The following DAB1 variants were observed in gnomAD, a reference collection of about 807,000 sequenced individuals.
DAB1 encodes the protein DAB adaptor protein 1.
DAB1 carries 15 observed loss-of-function variants against 64.6 expected under a neutral mutation model. That is an observed-to-expected ratio of 0.23 (90% CI 0.16 to 0.36). The LOEUF is 0.36. Among genes scored for constraint, DAB1 ranks in the 10% least tolerant of loss-of-function variants. The pLI is 1.00. For synonymous variants in DAB1, 235 were observed against 251.9 expected, an observed-to-expected ratio of 0.93 and a Z score of 0.64; for missense variants, 596 against 706.7, an observed-to-expected ratio of 0.84 and a Z score of 1.78.
chr1:57,003,224 A>C (rs1330683400), intron 14 of DAB1, among the ~76,000 whole-genome samples: 1 of 152,240 alleles, frequency 6.6e-6, no homozygotes, highest in Admixed American at 6.5e-5. Flanking sequence ...AGACTACTCC[A>C]CATGTCCTTT....
At chr1:57,034,550 G>T (rs911249794) in intron 9 of DAB1, among the ~76,000 whole-genome samples, 2 of 152,196 alleles carry the variant, frequency 1.3e-5, no homozygotes, top group Non-Finnish European at 2.9e-5. Flanking sequence ...ATGCACATTC[G>T]AGAAGTAGCT....
intron 3 of DAB1, among the ~76,000 whole-genome samples, chr1:58,392,947 T>C (rs1404879114): frequency 3.3e-5 from 5 of 152,156 alleles, no homozygotes; most frequent in African/African-American, 1.2e-4. Flanking sequence ...TTAACTTCCA[T>C]CATGCCCTCT....
At chr1:57,521,931 G>A (rs542778814) in intron 7 of DAB1, among the ~76,000 whole-genome samples, 17 of 152,170 alleles carry the variant, frequency 1.1e-4, no homozygotes, top group South Asian at 1.0e-3. Flanking sequence ...CCAACATGGC[G>A]AAACCCCGTC....
intron 5 of DAB1, among the ~76,000 whole-genome samples, chr1:58,125,447 T>C (rs1174566686): frequency 1.3e-5 from 2 of 151,804 alleles, no homozygotes; most frequent in Non-Finnish European, 1.5e-5. Context: ...GATACTTTTT[T>C]TTTTTTTTTT....
At chr1:57,890,932 G>C (rs564255802) in intron 5 of DAB1, among the ~76,000 whole-genome samples, 124 of 152,226 alleles carry the variant, frequency 8.1e-4, no homozygotes, top group Non-Finnish European at 1.3e-3. Context: ...ATATTAATCT[G>C]TGGCTTAAAT....
intron 1 of DAB1, among the ~76,000 whole-genome samples, chr1:57,333,892 T>G (rs974635702): frequency 1.3e-5 from 2 of 152,158 alleles, no homozygotes; most frequent in Non-Finnish European, 2.9e-5. Flanking sequence ...CAAACTAGAA[T>G]CCATCACTGT....
At position 58,065,438 on chromosome 1, in the gene DAB1, G is replaced by A. The variant is rs555845603; in HGVS notation, n.387+85073C>T. ...ATACAAGTATACCTTAATAAAACTG[G>A]ATTTTTTAAAAAAGAGTCTAAAATA... On this transcript the variant is annotated intron_variant and non_coding_transcript_variant, in intron 5 of 20. Transcript: ENST00000485760. Among the ~76,000 whole-genome samples the A allele has an allele frequency of 7.2e-5, 11 of 152,172 alleles. No homozygotes were observed. In the Middle Eastern group the frequency reaches 0.01, roughly 141 times the overall value.
At chr1:57,907,965 C>G (rs1253739207) in intron 5 of DAB1, among the ~76,000 whole-genome samples, 1 of 149,118 alleles carries the variant, frequency 6.7e-6, no homozygotes, top group Non-Finnish European at 1.5e-5. Flanking sequence ...CACATGGAAA[C>G]CAAATTACCC....
intron 5 of DAB1, among the ~76,000 whole-genome samples, chr1:57,942,516 A>G (rs1047928108): frequency 1.3e-5 from 2 of 152,156 alleles, no homozygotes. Context: ...CTCTTCTTGT[A>G]TCTATGAATC....
chr1:57,007,567 G>A (rs1375666236), intron 14 of DAB1, among the ~76,000 whole-genome samples: 3 of 152,212 alleles, frequency 2.0e-5, no homozygotes, highest in Non-Finnish European at 4.4e-5. Context: ...AAACAGCACT[G>A]CTGTTTGAGA....
chr1:58,056,032 C>A (rs966649594), intron 5 of DAB1: 1 of 832,996 alleles, frequency 1.2e-6, no homozygotes, highest in Non-Finnish European at 2.0e-6. Flanking sequence ...GCCACCGTGC[C>A]TGGCCTCATG....
intron 2 of DAB1, among the ~76,000 whole-genome samples, chr1:58,513,632 T>A (rs1284818242): frequency 6.6e-6 from 1 of 152,168 alleles, no homozygotes; most frequent in Non-Finnish European, 1.5e-5. Flanking sequence ...ACTAAGATAA[T>A]GGAGAGACTA....
chr1:58,332,184 T>C (rs139134658), intron 4 of DAB1, among the ~76,000 whole-genome samples: 28 of 152,294 alleles, frequency 1.8e-4, no homozygotes, highest in African/African-American at 6.7e-4. Context: ...TGCCTGATTC[T>C]CCCAGAAGTG....
At position 57,544,650 on chromosome 1, in the gene DAB1, T is replaced by A. The variant is rs142453744; in HGVS notation, n.625+104942A>T. Among the ~76,000 whole-genome samples the A allele has an allele frequency of 1.6e-4, 24 of 152,270 alleles. No homozygotes were observed. In the East Asian group the frequency reaches 4.5e-3, roughly 28 times the overall value. On this transcript the variant is annotated intron_variant and non_coding_transcript_variant, in intron 7 of 20. Coordinates refer to the DAB1 transcript ENST00000485760. ...ACCAAATCTCATCTTGAATTGTAGT[T>A]CCCATAATCCCCATGTGTCATGGGA...
At position 57,431,143 on chromosome 1, in the gene DAB1, C is replaced by CACAAA. The variant is rs749097562; in HGVS notation, n.626-139978_626-139977insTTTGT. ...AAGAAAAAGTATTTCAGGCCAAAAA[C>CACAAA]AAAAAAAAAAAAAAGAAAAACAAAA... On this transcript the variant is annotated intron_variant and non_coding_transcript_variant, in intron 7 of 20. Transcript: ENST00000485760. Among the ~76,000 whole-genome samples, 527 of 96,402 alleles carry CACAAA rather than the reference C, an allele frequency of 5.5e-3. 11 individuals are homozygous for CACAAA. Among genetic ancestry groups the CACAAA allele is most frequent in the African/African-American group, 0.018 (484 of 27,160 alleles). The allele number at this position is 96,402 out of a possible 152,430, so 63.2% of individuals were successfully genotyped here. A position where few individuals can be genotyped will look rare whatever the true frequency, so the allele number is the denominator to read the frequency against.
intron 4 of DAB1, among the ~76,000 whole-genome samples, chr1:58,212,372 G>C (rs1658602776): frequency 6.6e-6 from 1 of 152,154 alleles, no homozygotes; most frequent in South Asian, 2.1e-4. Context: ...AGAAAAGTGA[G>C]GTAAAATGTC....
chr1:58,240,531 C>T (rs1045187185), intron 4 of DAB1, among the ~76,000 whole-genome samples: 6 of 152,222 alleles, frequency 3.9e-5, no homozygotes, highest in African/African-American at 1.2e-4. Context: ...TGTAAATGCA[C>T]TCTTAAGCCA....
At chr1:58,464,734 T>C (rs894568319) in intron 3 of DAB1, among the ~76,000 whole-genome samples, 1 of 152,208 alleles carries the variant, frequency 6.6e-6, no homozygotes, top group Non-Finnish European at 1.5e-5. Flanking sequence ...ATACGATGGA[T>C]GTGGGCTTGC....
chr1:57,855,386 G>T (rs949984742), intron 1 of DAB1, among the ~76,000 whole-genome samples: 1 of 152,160 alleles, frequency 6.6e-6, no homozygotes, highest in Non-Finnish European at 1.5e-5. Flanking sequence ...TGCCCCCATG[G>T]AGCTGGCATT....
Sources: allele counts gnomAD v4.1 joint callset (sites outside exome capture counted in the v4.1 genomes callset), GRCh38; gene constraint gnomAD v4.1.1; transcripts MANE v1.5; gene names NCBI Gene and HGNC (gene_info 2026-07-23, HGNC 2026-07-21).